SLC3A2: variants seen among roughly 807,000 people sequenced by gnomAD.
The protein encoded by SLC3A2 is solute carrier family 3 member 2, also known as amino acid transporter heavy chain SLC3A2.
A neutral mutation model predicts 48.5 loss-of-function variants in SLC3A2; 32 were observed. That is an observed-to-expected ratio of 0.66 (90% CI 0.50 to 0.89). The LOEUF is 0.89. SLC3A2 is among the 40% of genes least tolerant of loss of function. The pLI is 0.00. For missense variants in SLC3A2, 587 were observed against 680.7 expected, an observed-to-expected ratio of 0.86 and a Z score of 1.53; for synonymous variants, 277 against 288.8, an observed-to-expected ratio of 0.96 and a Z score of 0.41.
At position 62,888,618 on chromosome 11, in the gene SLC3A2, C is replaced by T; in HGVS notation, c.1515C>T (p.Gly505=). The change falls in exon 9 of 9, where the codon GGC becomes GGT. Residue 505 remains glycine, a synonymous_variant. Coordinates refer to ENST00000338663, the MANE Select transcript of SLC3A2 (RefSeq NM_001013251.3). ...GCACCCAGCCAGGCCGTGAGGAGGG[C>T]TCCCCTCTTGAGCTGGAACGCCTGA... The part of the protein sequence containing the change: ...LLSTQPGREE[G]SPLELERLKL... 6.2e-7 allele frequency: 1 copy of T among 1,610,586 alleles called. No individual in the cohort carries two copies. The highest frequency in any genetic ancestry group is 1.3e-5 in the African/African-American group (1 of 75,064).
intron 1 of SLC3A2, among the ~76,000 whole-genome samples, chr11:62,859,285 CG>C (rs1219380228): frequency 1.3e-5 from 2 of 151,986 alleles, no homozygotes; most frequent in African/African-American, 4.8e-5. Flanking sequence ...AAGCACATCT[CG>C]CACCGCCCTT....
In SLC3A2 at chr11:62,881,195, G is replaced by T. The variant is rs751586740; in HGVS notation, c.172G>T (p.Ala58Ser). The T allele has an allele frequency of 4.4e-6, 7 of 1,592,760 alleles. No homozygotes were observed. The South Asian group carries it at 8.0e-5, about 18-fold the overall frequency. ...AEDEAEAAAA[A>S]KFTGLSKEEL... Reference sequence around the variant, plus strand: ...AGACGAGGCGGAGGCGGCAGCCGCGGCTAAGTTCACGGGCCTGTCCAAGGA... The same window carrying T: ...AGACGAGGCGGAGGCGGCAGCCGCGTCTAAGTTCACGGGCCTGTCCAAGGA... Residue 58 changes from alanine to serine, a missense_variant, in exon 1 of 9, where the codon GCT (alanine) becomes TCT (serine). Ala to Ser is a moderately conservative substitution (Grantham distance 99, BLOSUM62 1). Coordinates refer to ENST00000338663, the MANE Select transcript of SLC3A2 (RefSeq NM_001013251.3). The surrounding 1 kb of genome is among the most constrained non-coding windows in gnomAD (Gnocchi z 4.0).
At position 62,870,859 on chromosome 11, in the gene SLC3A2, ATTATT is replaced by A. The variant is rs750394147; in HGVS notation, c.113-10159_113-10155del. On this transcript the variant is annotated intron_variant, in intron 1 of 9. Transcript: ENST00000377889. Reference sequence around the variant, plus strand: ...ATAGGTAATAATAATAATAATAATTATTATTATTATTATTATTATTATTATTATTA... The same window carrying A: ...ATAGGTAATAATAATAATAATAATTAATTATTATTATTATTATTATTATTA... The A allele has an allele frequency of 2.6e-3, 340 of 130,540 alleles. 7 individuals carry two copies. Among genetic ancestry groups the A allele is most frequent in the South Asian group, 8.0e-3 (46 of 5,718 alleles). The allele number at this position is 130,540 out of a possible 1,614,324, so 8.1% of individuals were successfully genotyped here. A position where few individuals can be genotyped will look rare whatever the true frequency, so the allele number is the denominator to read the frequency against.
rs772394319 is a variant in SLC3A2 at position 62,885,474 on chromosome 11, G to A, written c.1009G>A (p.Ala337Thr). The A allele has an allele frequency of 1.9e-6, 3 of 1,614,172 alleles. No individual in the cohort carries two copies. The highest frequency in any genetic ancestry group is 1.7e-5 in the Admixed American group (1 of 60,010). The change falls in exon 7 of 9, where the codon GCA becomes ACA. Residue 337 changes from alanine to threonine, a missense_variant. Transcript: ENST00000338663. ...NRWCSWSLSQ[A>T]RLLTSFLPAQ... ...GTGTCTCTCCCTGTAGTTGTCTCAG[G>A]CAAGGCTCCTGACTTCCTTCTTGCC...
At chr11:62,863,255 C>CT (rs1264877320) in intron 1 of SLC3A2, among the ~76,000 whole-genome samples, 2 of 152,090 alleles carry the variant, frequency 1.3e-5, no homozygotes, top group Non-Finnish European at 2.9e-5. Context: ...GGATCTCACT[C>CT]TGTCACCTAG....
chr11:62,881,009 G>T lies in SLC3A2; in HGVS notation c.-15G>T. The T allele has an allele frequency of 1.3e-6, 2 of 1,543,260 alleles. No homozygotes were observed. Among genetic ancestry groups the T allele is most frequent in the South Asian group, 2.5e-5 (2 of 79,924 alleles). On this transcript the variant is annotated 5_prime_UTR_variant, in exon 1 of 9. Transcript: ENST00000338663. The surrounding 1 kb of genome is among the most constrained non-coding windows in gnomAD (Gnocchi z 4.0). ...TGACCGCAAGCTGCGTCGTGTCGCC[G>T]GTTCTGCAGGCACCATGAGCCAGGA...
chr11:62,888,117 A>G lies in SLC3A2; in HGVS notation c.1144-18A>G, dbSNP rs775767115. ...TGACCCCAGGCCTTTTTAAAGTCCT[A>G]TTTTCTCTGCTTTTCAGCCTATGGA... On this transcript the variant is annotated intron_variant, in intron 7 of 8. Transcript: ENST00000338663. The G allele has an allele frequency of 1.2e-5, 19 of 1,610,736 alleles. No homozygotes were observed. The highest frequency in any genetic ancestry group is 2.7e-5 in the African/African-American group (2 of 74,890).
At chr11:62,879,587 G>T (rs1263571683), upstream of SLC3A2, among the ~76,000 whole-genome samples, 1 of 152,234 alleles carries the variant, frequency 6.6e-6, no homozygotes, top group Non-Finnish European at 1.5e-5. Flanking sequence ...GATGGGGTTG[G>T]ATGCCTGGGG....
At chr11:62,863,668 A>G (rs2085424305) in intron 1 of SLC3A2, among the ~76,000 whole-genome samples, 1 of 152,178 alleles carries the variant, frequency 6.6e-6, no homozygotes, top group Non-Finnish European at 1.5e-5. Context: ...TCATGAATAT[A>G]CCATTTCCAT....
intron 1 of SLC3A2, among the ~76,000 whole-genome samples, chr11:62,875,875 T>A (rs1317950079): frequency 1.3e-5 from 2 of 152,166 alleles, no homozygotes; most frequent in Non-Finnish European, 2.9e-5. Flanking sequence ...CCTGTTTGTT[T>A]GTTTTCAGAT....
chr11:62,879,427 A>G (rs2085605615), upstream of SLC3A2, among the ~76,000 whole-genome samples: 1 of 152,144 alleles, frequency 6.6e-6, no homozygotes, highest in East Asian at 1.9e-4. Flanking sequence ...TGTGCTCGAG[A>G]TATAGTCCAT....
upstream of SLC3A2, among the ~76,000 whole-genome samples, chr11:62,877,712 A>G (rs924115150): frequency 5.3e-5 from 8 of 152,254 alleles, no homozygotes; most frequent in Non-Finnish European, 8.8e-5. Context: ...TGGCATGTAC[A>G]AGATGCAGAG....
At chr11:62,858,485 AG>A (rs1173434092) in intron 1 of SLC3A2, among the ~76,000 whole-genome samples, 1 of 152,084 alleles carries the variant, frequency 6.6e-6, no homozygotes, top group Non-Finnish European at 1.5e-5. Flanking sequence ...GGGAGGCCAA[AG>A]TGGGCGGATC....
chr11:62,861,185 A>G (rs1460333902), intron 1 of SLC3A2, among the ~76,000 whole-genome samples: 2 of 151,776 alleles, frequency 1.3e-5, no homozygotes, highest in Non-Finnish European at 2.9e-5. Context: ...AAAAATAAAA[A>G]TTAGCTGCGT....
At chr11:62,869,320 C>G (rs1203908893) in intron 1 of SLC3A2, among the ~76,000 whole-genome samples, 1 of 151,160 alleles carries the variant, frequency 6.6e-6, no homozygotes, top group South Asian at 2.1e-4. Flanking sequence ...GTCAGGAGAT[C>G]GAGACCATCC....
At chr11:62,883,276 TTTTC>T (rs2085666362) in intron 3 of SLC3A2, 3 of 390,754 alleles carry the variant, frequency 7.7e-6, no homozygotes, top group Non-Finnish European at 1.4e-5. Context: ...GAAGTTTGAT[TTTTC>T]TTTCTTTTGG....
At chr11:62,886,327 T>C (rs562665694) in intron 7 of SLC3A2, 2 of 150,098 alleles carry the variant, frequency 1.3e-5, no homozygotes, top group South Asian at 4.2e-4. Context: ...AAGAAATACA[T>C]GGTAGGGATA....
intron 1 of SLC3A2, among the ~76,000 whole-genome samples, chr11:62,866,994 T>C (rs545598791): frequency 3.9e-5 from 6 of 152,258 alleles, no homozygotes; most frequent in African/African-American, 1.4e-4. Flanking sequence ...TTCTTTTTCT[T>C]TTTCTTTCTG....
Position 62,888,413 on chromosome 11 carries a change from A to G in SLC3A2, c.1310A>G (p.His437Arg), listed in dbSNP as rs370502516. The change falls in exon 9 of 9, where the codon CAT becomes CGT. Residue 437 changes from histidine (H) to arginine (R), a missense_variant. His to Arg is a conservative substitution (Grantham distance 29). Around this residue, in one of 3 missense-constraint regions of SLC3A2, gnomAD observed 169 missense variants for 204.4 expected, o/e 0.83. Transcript: ENST00000338663. ...CGGAGTAAGGAGCGCTCCCTACTGC[A>G]TGGGGACTTCCACGCGTTCTCCGCT... is the stretch of plus-strand genomic sequence containing the variant. ...DQRSKERSLL[H>R]GDFHAFSAGP... 6 of 1,614,200 alleles carry G rather than the reference A, an allele frequency of 3.7e-6. 1 individual carries two copies. Among genetic ancestry groups the G allele is most frequent in the Non-Finnish European group, 5.1e-6 (6 of 1,180,034 alleles).
Sources: gnomAD v4.1 joint callset for allele counts (sites outside exome capture counted in the v4.1 genomes callset) on GRCh38, gnomAD v4.1.1 for gene constraint, gnomAD v4.1.1 regional missense constraint, Gnocchi (gnomAD v3.1) non-coding constraint, MANE v1.5 for transcripts, NCBI Gene and HGNC (gene_info 2026-07-23, HGNC 2026-07-21) for gene names.